PLEKHG4B: variants seen among roughly 807,000 people sequenced by gnomAD.
PLEKHG4B encodes the protein pleckstrin homology domain-containing family G member 4B.
In PLEKHG4B, 111 loss-of-function variants were observed where a neutral mutation model predicts 121.3. The observed-to-expected ratio is 0.92, with a 90% CI of 0.78 to 1.07. The LOEUF is 1.07. Among genes scored for constraint, PLEKHG4B ranks in the 50% least tolerant of loss-of-function variants. The probability of loss-of-function intolerance (pLI) is 0.00; values close to 1 mark genes in which losing one functional copy is unlikely to be tolerated. For synonymous variants in PLEKHG4B, 738 were observed against 725.0 expected, an observed-to-expected ratio of 1.02 and a Z score of -0.29; for missense variants, 1,831 against 1,757.8, an observed-to-expected ratio of 1.04 and a Z score of -0.74.
chr5:158,111 G>C (rs983654053), intron 11 of PLEKHG4B, among the ~76,000 whole-genome samples: 1 of 152,112 alleles, frequency 6.6e-6, no homozygotes, highest in African/African-American at 2.4e-5. Flanking sequence ...AGCCAGTCCG[G>C]GCTGTCTCCA....
At chr5:114,565 C>T (rs1734253736) in intron 2 of PLEKHG4B, among the ~76,000 whole-genome samples, 1 of 152,136 alleles carries the variant, frequency 6.6e-6, no homozygotes, top group South Asian at 2.1e-4. Flanking sequence ...TCAAGCAATT[C>T]TCCTGCCTCA....
chr5:140,311 G>C lies in PLEKHG4B; in HGVS notation c.1072G>C (p.Glu358Gln). The part of the protein sequence containing the change: ...PRRWFRESYM[E>Q]ALRNPMPLGS... ...ACGCTGGTTCAGGGAGTCGTACATG[G>C]AAGCCTTGCGGAACCCCATGCCCCT... The change falls in exon 3 of 20, where the codon GAA becomes CAA. Residue 358 changes from glutamate (E) to glutamine (Q), a missense_variant. Physicochemically the swap from Glu to Gln is conservative, Grantham distance 29. Coordinates refer to ENST00000637938, the MANE Select transcript of PLEKHG4B (RefSeq NM_052909.5). The C allele has an allele frequency of 6.7e-7, 1 of 1,503,290 alleles. No individual in the cohort carries two copies. The highest frequency in any genetic ancestry group is 8.9e-7 in the Non-Finnish European group (1 of 1,128,650). 93.1% of individuals were successfully genotyped at this position (1,503,290 alleles called of 1,614,324 possible). A position where few individuals can be genotyped will look rare whatever the true frequency, so the allele number is the denominator to read the frequency against.
chr5:99,196 ATATATATATATATATATT>A (rs1262439531), intron 1 of PLEKHG4B, among the ~76,000 whole-genome samples: 5 of 125,566 alleles, frequency 4.0e-5, no homozygotes, highest in African/African-American at 1.3e-4. Context: ...ATATATATAT[ATATATATATATATATATT>A]TTGCGATTTT....
At position 140,328 on chromosome 5, in the gene PLEKHG4B, C is replaced by G. The variant is rs770212310; in HGVS notation, c.1089C>G (p.Pro363=). ...CGTACATGGAAGCCTTGCGGAACCC[C>G]ATGCCCCTGGGCAGCTCTGAGGAGG... is the stretch of plus-strand genomic sequence containing the variant. ...RESYMEALRN[P]MPLGSSEEAL... Residue 363 remains proline (P), a synonymous_variant, in exon 3 of 20, where the codon CCC becomes CCG. Transcript: ENST00000637938. The G allele has an allele frequency of 1.3e-6, 2 of 1,524,896 alleles. No homozygotes were observed. Among genetic ancestry groups the G allele is most frequent in the Non-Finnish European group, 1.8e-6 (2 of 1,137,844 alleles). The allele number at this position is 1,524,896 out of a possible 1,614,324, so 94.5% of individuals were successfully genotyped here.
intron 18 of PLEKHG4B, among the ~76,000 whole-genome samples, chr5:177,254 T>C (rs1193294294): frequency 6.6e-6 from 1 of 152,192 alleles, no homozygotes; most frequent in East Asian, 1.9e-4. Context: ...TGTGCCGTAT[T>C]TAGGACTACA....
At chr5:116,463 A>G (rs1167914816) in intron 2 of PLEKHG4B, among the ~76,000 whole-genome samples, 3 of 152,246 alleles carry the variant, frequency 2.0e-5, no homozygotes, top group African/African-American at 2.4e-5. Context: ...TGAAAAATGC[A>G]TTATCTGCAG....
At chr5:135,679 AAAAAT>A (rs1212877873) in intron 2 of PLEKHG4B, among the ~76,000 whole-genome samples, 9 of 57,148 alleles carry the variant, frequency 1.6e-4, no homozygotes, top group East Asian at 8.3e-4. Flanking sequence ...AAAAAAAAAA[AAAAAT>A]ATATATATAT....
At chr5:101,350 C>T (rs341255) in intron 1 of PLEKHG4B, among the ~76,000 whole-genome samples, 1,208 of 67,130 alleles carry the variant, frequency 0.018, 2 homozygotes, top group African/African-American at 0.077. Flanking sequence ...CTGGAAAAAG[C>T]CTGTAGGGGA....
chr5:155,955 C>G, intron 9 of PLEKHG4B, 116 bp from the exon 10 acceptor site: 1 of 1,112,434 alleles, frequency 9.0e-7, no homozygotes, highest in South Asian at 2.0e-5. Context: ...CACTGTCATG[C>G]CGCCAGGCCT....
intron 1 of PLEKHG4B, among the ~76,000 whole-genome samples, chr5:94,402 C>G (rs543872930): frequency 2.6e-5 from 4 of 152,330 alleles, no homozygotes; most frequent in African/African-American, 9.6e-5. Flanking sequence ...GAGCCTCAGA[C>G]TTTGTCTGAC....
chr5:128,846 C>A (rs1734696688), intron 2 of PLEKHG4B, among the ~76,000 whole-genome samples: 1 of 151,962 alleles, frequency 6.6e-6, no homozygotes, highest in African/African-American at 2.4e-5. Flanking sequence ...CTGAACAGAC[C>A]CCCTCTCCCT....
At position 143,063 on chromosome 5, in the gene PLEKHG4B, A is replaced by G. The variant is rs1427637575; in HGVS notation, c.1494A>G (p.Ser498=). ...TTTGTCCAGACGTTCTTGCATCCTC[A>G]GCCTGTGTCAGCACAGACGGCGGCA... ...CTKEEDVLAS[S]ACVSTDGGSL... Residue 498 remains serine, a synonymous_variant, in exon 4 of 20, where the codon TCA becomes TCG. Coordinates refer to ENST00000637938, the MANE Select transcript of PLEKHG4B (RefSeq NM_052909.5). 1 of 1,613,246 alleles carries G rather than the reference A, an allele frequency of 6.2e-7. No homozygotes were observed. Among genetic ancestry groups the G allele is most frequent in the Non-Finnish European group, 8.5e-7 (1 of 1,179,962 alleles).
Position 162,736 on chromosome 5 carries a change from G to A in PLEKHG4B, c.2664G>A (p.Met888Ile). Residue 888 changes from methionine to isoleucine, a missense_variant, in exon 13 of 20, where the codon ATG becomes ATA. Coordinates refer to ENST00000637938, the MANE Select transcript of PLEKHG4B (RefSeq NM_052909.5). ...SELCETVSSWMGPLDPEACPS... is the reference protein window; with the variant it reads ...SELCETVSSWIGPLDPEACPS... ...TTGTCCCACAGGTGAGCAGCTGGAT[G>A]GGGCCCCTGGACCCGGAGGCTTGTC... 6.9e-7 allele frequency: 1 copy of A among 1,455,968 alleles called. No individual in the cohort carries two copies. The highest frequency in any genetic ancestry group is 9.1e-7 in the Non-Finnish European group (1 of 1,102,756). 90.2% of individuals were successfully genotyped at this position (1,455,968 alleles called of 1,614,324 possible). A position where few individuals can be genotyped will look rare whatever the true frequency, so the allele number is the denominator to read the frequency against.
chr5:109,112 C>T (rs575372408), intron 1 of PLEKHG4B, among the ~76,000 whole-genome samples: 11 of 152,190 alleles, frequency 7.2e-5, no homozygotes, highest in Non-Finnish European at 1.6e-4. Context: ...CCCCAGGGCC[C>T]TGCTTGAAGG....
In PLEKHG4B at chr5:164,742, C is replaced by T. The variant is rs1390197070; in HGVS notation, c.3476+1194C>T. Reference sequence around the variant, plus strand: ...AGCTCACACTAATACTCTGACGGGGCGGGGCTCACAGTAATCCTCTGACGG... The same window carrying T: ...AGCTCACACTAATACTCTGACGGGGTGGGGCTCACAGTAATCCTCTGACGG... On this transcript the variant is annotated intron_variant, in intron 13 of 19. Coordinates refer to ENST00000637938, the MANE Select transcript of PLEKHG4B (RefSeq NM_052909.5). Among the ~76,000 whole-genome samples, 10 of 114,810 alleles carry T rather than the reference C, an allele frequency of 8.7e-5. 1 individual carries two copies. The highest frequency in any genetic ancestry group is 1.8e-4 in the Admixed American group (2 of 10,968). 75.3% of individuals were successfully genotyped at this position (114,810 alleles called of 152,430 possible).
intron 6 of PLEKHG4B, among the ~76,000 whole-genome samples, chr5:145,279 C>A (rs1735368821): frequency 1.3e-5 from 2 of 152,358 alleles, no homozygotes; most frequent in South Asian, 4.1e-4. Context: ...GTGCAGCTGC[C>A]CCCGCTATGC....
At position 164,674 on chromosome 5, in the gene PLEKHG4B, T is replaced by G. The variant is rs1194015538; in HGVS notation, c.3476+1126T>G. Among the ~76,000 whole-genome samples the G allele has an allele frequency of 1.2e-4, 15 of 123,316 alleles. 2 individuals carry two copies. The highest frequency in any genetic ancestry group is 2.1e-4 in the Non-Finnish European group (12 of 56,882). 80.9% of individuals were successfully genotyped at this position (123,316 alleles called of 152,430 possible). The stretch of plus-strand genomic sequence containing the variant: ...TGACGGGCGGAGCTCACACTAATAC[T>G]CTGACAGGGGGCGGAGCTCACACTA... On this transcript the variant is annotated intron_variant, in intron 13 of 19. Transcript: ENST00000637938.
In PLEKHG4B at chr5:157,805, G is replaced by A. The variant is rs1735840523; in HGVS notation, c.2487+894G>A. On this transcript the variant is annotated intron_variant, in intron 11 of 19. Coordinates refer to ENST00000637938, the MANE Select transcript of PLEKHG4B (RefSeq NM_052909.5). The surrounding 1 kb of genome is among the most constrained non-coding windows in gnomAD (Gnocchi z 4.6). Reference sequence around the variant, plus strand: ...TTTTATCAACAACTATTGCTGCGATGAATGTGCGGGTGAAAGAGCCAGCAG... The same window carrying A: ...TTTTATCAACAACTATTGCTGCGATAAATGTGCGGGTGAAAGAGCCAGCAG... Among the ~76,000 whole-genome samples, 1 of 152,214 alleles carries A rather than the reference G, an allele frequency of 6.6e-6. No individual in the cohort carries two copies. Among genetic ancestry groups the A allele is most frequent in the Admixed American group, 6.5e-5 (1 of 15,290 alleles).
rs754490427 is a variant in PLEKHG4B at position 181,591 on chromosome 5, C to T, written c.4480C>T (p.Pro1494Ser). Residue 1494 changes from proline to serine, a missense_variant, in exon 19 of 20, where the codon CCT becomes TCT. By Grantham distance (74) the Pro-to-Ser change is moderately conservative (BLOSUM62 -1). Coordinates refer to ENST00000637938, the MANE Select transcript of PLEKHG4B (RefSeq NM_052909.5). Reference sequence around the variant, plus strand: ...GGATGTCAAGCCCAGAGACCGGACCCCTGACTGTGCAGTGATAAGCGACCG... The same window carrying T: ...GGATGTCAAGCCCAGAGACCGGACCTCTGACTGTGCAGTGATAAGCGACCG... ...FMDVKPRDRT[P>S]DCAVISDRAP... 4 of 1,614,034 alleles carry T rather than the reference C, an allele frequency of 2.5e-6. No individual in the cohort carries two copies. The highest frequency in any genetic ancestry group is 2.7e-5 in the African/African-American group (2 of 74,930).
Sources: allele counts gnomAD v4.1 joint callset (sites outside exome capture counted in the v4.1 genomes callset), GRCh38; gene constraint gnomAD v4.1.1; non-coding constraint Gnocchi (gnomAD v3.1); transcripts MANE v1.5; gene names NCBI Gene and HGNC (gene_info 2026-07-23, HGNC 2026-07-21).